The following ADORA2B variants were observed in gnomAD, a reference collection of about 807,000 sequenced individuals.
ADORA2B encodes adenosine receptor A2b.
In ADORA2B, 18 loss-of-function variants were observed where a neutral mutation model predicts 20.8. The observed-to-expected ratio is 0.87, with a 90% CI of 0.60 to 1.29. The LOEUF is 1.29. ADORA2B is among the 50% of genes most tolerant of loss of function. The pLI, the probability that ADORA2B is intolerant of heterozygous loss-of-function variation, is 0.00. For missense variants in ADORA2B, 441 were observed against 422.7 expected (o/e 1.04, Z -0.38); for synonymous variants, 179 against 178.3 (o/e 1.00, Z -0.03).
the ADORA2B span, among the ~76,000 whole-genome samples, chr17:15,927,219 C>T: frequency 6.6e-6 from 1 of 152,176 alleles, no homozygotes; most frequent in East Asian, 1.9e-4. Flanking sequence ...TGCGGTGGCT[C>T]ACGCCTGTAA....
the ADORA2B span, among the ~76,000 whole-genome samples, chr17:15,870,398 G>T: frequency 2.0e-5 from 3 of 152,028 alleles, no homozygotes; most frequent in Non-Finnish European, 4.4e-5. Flanking sequence ...CAGCACTTTG[G>T]GAGGCCAAGG....
At chr17:15,937,315 G>A in the ADORA2B span, among the ~76,000 whole-genome samples, 519 of 152,254 alleles carry the variant, frequency 3.4e-3, no homozygotes, top group African/African-American at 0.012. Flanking sequence ...TAGCTTAGTG[G>A]TCAGCTGATA....
At chr17:15,890,184 A>T in the ADORA2B span, among the ~76,000 whole-genome samples, 3 of 129,722 alleles carry the variant, frequency 2.3e-5, 1 homozygote, top group African/African-American at 9.8e-5. Context: ...ATGGATAAAG[A>T]GTCTTTTTAA....
chr17:15,891,681 TTCTC>T, the ADORA2B span, among the ~76,000 whole-genome samples: 3 of 150,398 alleles, frequency 2.0e-5, no homozygotes, highest in South Asian at 6.2e-4. Context: ...GTACAGCACT[TTCTC>T]TCTTTTTTTT....
At chr17:15,922,650 A>G in the ADORA2B span, among the ~76,000 whole-genome samples, 5 of 152,226 alleles carry the variant, frequency 3.3e-5, no homozygotes, top group East Asian at 9.6e-4. Flanking sequence ...TTTTGCTCTT[A>G]TGACAATGCT....
chr17:15,960,991 C>T (rs1279382340), intron 1 of ADORA2B, among the ~76,000 whole-genome samples: 2 of 150,928 alleles, frequency 1.3e-5, no homozygotes, highest in Non-Finnish European at 2.9e-5. Flanking sequence ...CATGGTGAAA[C>T]CCCGTCTCTA....
At chr17:15,923,204 TAA>T in the ADORA2B span, among the ~76,000 whole-genome samples, 25,668 of 126,630 alleles carry the variant, frequency 0.2, 3,301 homozygotes, top group African/African-American at 0.34. Flanking sequence ...TTTCTTTTTT[TAA>T]TTTTTTTTTT....
chr17:15,953,696 C>T (rs538652032), intron 1 of ADORA2B, among the ~76,000 whole-genome samples: 1 of 152,350 alleles, frequency 6.6e-6, no homozygotes, highest in Non-Finnish European at 1.5e-5. Flanking sequence ...AACGTGTCCC[C>T]CATTCCTTTC....
chr17:15,949,449 G>T (rs1969865781), intron 1 of ADORA2B, among the ~76,000 whole-genome samples: 1 of 152,078 alleles, frequency 6.6e-6, no homozygotes, highest in Non-Finnish European at 1.5e-5. Context: ...AGAGACAGAG[G>T]TTGCCGTGAG....
chr17:15,970,696 A>C (rs1413498311), intron 1 of ADORA2B, among the ~76,000 whole-genome samples: 1 of 152,214 alleles, frequency 6.6e-6, no homozygotes, highest in African/African-American at 2.4e-5. Flanking sequence ...TGTTATCAGC[A>C]ATCGAAACAT....
intron 1 of ADORA2B, among the ~76,000 whole-genome samples, chr17:15,946,662 C>T (rs114202840): frequency 0.011 from 1,738 of 152,234 alleles, 27 homozygotes; most frequent in African/African-American, 0.04. Context: ...TGCAGTAGTA[C>T]CAGAGGACGG....
intron 1 of ADORA2B, among the ~76,000 whole-genome samples, chr17:15,973,291 C>T (rs1970209689): frequency 6.6e-6 from 1 of 152,194 alleles, no homozygotes; most frequent in Non-Finnish European, 1.5e-5. Context: ...AAACTACAGT[C>T]CTGCCCATCC....
chr17:15,912,157 G>A, the ADORA2B span, among the ~76,000 whole-genome samples: 54 of 149,956 alleles, frequency 3.6e-4, no homozygotes, highest in East Asian at 1.8e-3. Context: ...GGAGGTTGCA[G>A]TGAGCCGAGA....
At chr17:15,880,998 T>C in the ADORA2B span, among the ~76,000 whole-genome samples, 1 of 152,206 alleles carries the variant, frequency 6.6e-6, no homozygotes, top group Admixed American at 6.5e-5. Context: ...GGAGGATCCG[T>C]TTTTGCCAAA....
the ADORA2B span, among the ~76,000 whole-genome samples, chr17:15,908,902 C>A: frequency 6.6e-6 from 1 of 152,140 alleles, no homozygotes; most frequent in South Asian, 2.1e-4. Flanking sequence ...CAAGACCCCA[C>A]CCACAGGCTT....
the ADORA2B span, among the ~76,000 whole-genome samples, chr17:15,920,575 G>T: frequency 1.5e-4 from 23 of 152,256 alleles, no homozygotes; most frequent in African/African-American, 5.5e-4. Context: ...ACAAAAATTA[G>T]CTGGGTGTGG....
chr17:15,930,553 C>T, the ADORA2B span, among the ~76,000 whole-genome samples: 17 of 152,182 alleles, frequency 1.1e-4, no homozygotes, highest in Admixed American at 7.2e-4. Context: ...GCCTTGGCCT[C>T]ACAAAGTTCT....
chr17:15,883,256 A>T, the ADORA2B span, among the ~76,000 whole-genome samples: 1 of 152,240 alleles, frequency 6.6e-6, no homozygotes, highest in Non-Finnish European at 1.5e-5. Flanking sequence ...ACATCCAAAA[A>T]TACAGAAGTG....
chr17:15,903,922 C>G, the ADORA2B span, among the ~76,000 whole-genome samples: 1 of 152,018 alleles, frequency 6.6e-6, no homozygotes, highest in East Asian at 1.9e-4. Flanking sequence ...GGTTTATTTC[C>G]CAGCCCATCT....
Sources: allele counts gnomAD v4.1 joint callset (sites outside exome capture counted in the v4.1 genomes callset), GRCh38; gene constraint gnomAD v4.1.1; transcripts MANE v1.5; gene names NCBI Gene and HGNC (gene_info 2026-07-23, HGNC 2026-07-21).